Variants in ADARB2 observed in about 807,000 individuals in gnomAD.
The protein encoded by ADARB2 is adenosine deaminase RNA specific B2 (inactive), also known as inactive double-stranded RNA-specific editase B2.
ADARB2 carries 25 observed loss-of-function variants against 62.2 expected under a neutral mutation model. The observed-to-expected ratio is 0.40, with a 90% CI of 0.29 to 0.56. ADARB2 has a LOEUF of 0.56. Ranked by LOEUF, ADARB2 falls within the 20% of genes least tolerant of loss-of-function variation. The pLI is 0.43. For synonymous variants in ADARB2, 572 were observed against 500.8 expected (o/e 1.14, Z -1.90); for missense variants, 1,071 against 1,077.4 (o/e 0.99, Z 0.08).
chr10:1,219,679 G>A (rs1340492168), intron 6 of ADARB2, among the ~76,000 whole-genome samples: 1 of 152,148 alleles, frequency 6.6e-6, no homozygotes, highest in Non-Finnish European at 1.5e-5. Context: ...AATGGTGGTG[G>A]TGATGGTGAT....
At position 1,490,032 on chromosome 10, in the gene ADARB2, A is replaced by G. The variant is rs564992365; in HGVS notation, c.101-110872T>C. ...CAGCTGACTGACAATTTTGTGATAA[A>G]CAGAAGCACACGTTAGCTGTCAGGT... On this transcript the variant is annotated intron_variant, in intron 1 of 9. Transcript: ENST00000381312. Among the ~76,000 whole-genome samples the G allele has an allele frequency of 2.0e-5, 3 of 152,374 alleles. No homozygotes were observed. The South Asian group carries it at 6.2e-4, about 32-fold the overall frequency.
At chr10:1,188,116 A>G (rs904961) in intron 8 of ADARB2, 151,469 of 153,800 alleles carry the variant, frequency 0.98, 74,630 homozygotes, top group Middle Eastern at 1. Context: ...AGTTCCAGGC[A>G]GTTTGAGTTC....
intron 3 of ADARB2, among the ~76,000 whole-genome samples, chr10:1,278,543 C>A (rs1053921655): frequency 6.6e-6 from 1 of 151,066 alleles, no homozygotes; most frequent in African/African-American, 2.4e-5. Flanking sequence ...TCTGTTAATT[C>A]GTTTAGGATG....
intron 1 of ADARB2, among the ~76,000 whole-genome samples, chr10:1,397,105 C>T (rs1449046496): frequency 7.1e-5 from 1 of 14,096 alleles, no homozygotes; most frequent in Non-Finnish European, 2.4e-4. Flanking sequence ...TCACCATCAG[C>T]CTCTCCCCTC....
intron 1 of ADARB2, among the ~76,000 whole-genome samples, chr10:1,547,052 G>A (rs2387728): frequency 0.32 from 48,744 of 152,250 alleles, 8,681 homozygotes; most frequent in Non-Finnish European, 0.4. Context: ...AGAGCGGGAC[G>A]CGGGTGGGAG....
chr10:1,438,203 ACGACAGGGCTCC>A (rs1830855823), intron 1 of ADARB2, among the ~76,000 whole-genome samples: 1 of 150,968 alleles, frequency 6.6e-6, no homozygotes, highest in Non-Finnish European at 1.5e-5. Context: ...CAGGCCCTTC[ACGACAGGGCTCC>A]TGAGTCTCCT....
intron 1 of ADARB2, among the ~76,000 whole-genome samples, chr10:1,495,256 G>A (rs11593993): frequency 0.18 from 27,986 of 152,066 alleles, 3,030 homozygotes; most frequent in Non-Finnish European, 0.25. Context: ...CCAATAAAAA[G>A]CAACCAGTTA....
chr10:1,599,307 G>T (rs1833378324), intron 1 of ADARB2, among the ~76,000 whole-genome samples: 1 of 152,208 alleles, frequency 6.6e-6, no homozygotes, highest in South Asian at 2.1e-4. Context: ...TGTTTGCTGA[G>T]CTGCAAAATG....
chr10:1,258,527 C>T (rs761632418), intron 4 of ADARB2, among the ~76,000 whole-genome samples: 5 of 152,088 alleles, frequency 3.3e-5, no homozygotes, highest in African/African-American at 1.2e-4. Flanking sequence ...AGTCTTTAAA[C>T]CAACAAAGAT....
chr10:1,538,782 G>A (rs1832368147), intron 1 of ADARB2, among the ~76,000 whole-genome samples: 1 of 152,192 alleles, frequency 6.6e-6, no homozygotes, highest in South Asian at 2.1e-4. Flanking sequence ...CAGAAATCAG[G>A]GCAGGAGAAG....
Position 1,326,782 on chromosome 10 carries a change from T to TCACTGCCCAGCGCCTCCC in ADARB2, c.1077+36228_1077+36245dup, listed in dbSNP as rs796414976. ...GCGCCTCTGGTAGCACAGCCCCTCC[T>TCACTGCCCAGCGCCTCCC]CACTGCCCAGCGCCTCCCCACGGCC... On this transcript the variant is annotated intron_variant, in intron 3 of 9. Transcript: ENST00000381312. Among the ~76,000 whole-genome samples, 86 of 51,782 alleles carry TCACTGCCCAGCGCCTCCC rather than the reference T, an allele frequency of 1.7e-3. 16 individuals are homozygous for TCACTGCCCAGCGCCTCCC. Among genetic ancestry groups the TCACTGCCCAGCGCCTCCC allele is most frequent in the African/African-American group, 5.0e-3 (78 of 15,644 alleles). The allele number at this position is 51,782 out of a possible 152,430, so 34.0% of individuals were successfully genotyped here.
chr10:1,566,948 A>G (rs1185241193), intron 1 of ADARB2, among the ~76,000 whole-genome samples: 6 of 152,250 alleles, frequency 3.9e-5, no homozygotes. Flanking sequence ...AGAAGTATAA[A>G]TATACAACAC....
At chr10:1,311,555 G>A (rs981218140) in intron 3 of ADARB2, among the ~76,000 whole-genome samples, 6 of 152,168 alleles carry the variant, frequency 3.9e-5, no homozygotes, top group African/African-American at 1.4e-4. Flanking sequence ...TGAACTCAGA[G>A]GATAGGTGAA....
At chr10:1,488,905 A>AGTG (rs1831585711) in intron 1 of ADARB2, among the ~76,000 whole-genome samples, 1 of 152,208 alleles carries the variant, frequency 6.6e-6, no homozygotes, top group African/African-American at 2.4e-5. Context: ...ATGGGAACAC[A>AGTG]TTCCGATCTG....
At chr10:1,341,627 C>T (rs7093587) in intron 3 of ADARB2, among the ~76,000 whole-genome samples, 697 of 151,928 alleles carry the variant, frequency 4.6e-3, no homozygotes, top group African/African-American at 0.014. Context: ...CCAGCATCCA[C>T]CAGAGAACAA....
intron 1 of ADARB2, among the ~76,000 whole-genome samples, chr10:1,560,729 G>A (rs1832775475): frequency 6.6e-6 from 1 of 152,210 alleles, no homozygotes; most frequent in African/African-American, 2.4e-5. Flanking sequence ...AGGGTCAGGA[G>A]CCGAGGATGT....
intron 3 of ADARB2, among the ~76,000 whole-genome samples, chr10:1,355,657 T>C (rs941972529): frequency 2.0e-5 from 3 of 152,322 alleles, no homozygotes; most frequent in East Asian, 3.9e-4. Flanking sequence ...TTAACCATAT[T>C]TGAAAATTCC....
chr10:1,461,513 T>C (rs1831173843), intron 1 of ADARB2, among the ~76,000 whole-genome samples: 1 of 118,630 alleles, frequency 8.4e-6, no homozygotes, highest in Admixed American at 7.9e-5. Context: ...TGTGCATATA[T>C]ATTTTTTTTT....
At chr10:1,351,849 G>C (rs2820615) in intron 3 of ADARB2, among the ~76,000 whole-genome samples, 8,956 of 145,554 alleles carry the variant, frequency 0.062, 646 homozygotes, top group African/African-American at 0.16. Flanking sequence ...ACCAGACAAG[G>C]CTTACAGGTT....
Sources: allele counts gnomAD v4.1 joint callset (sites outside exome capture counted in the v4.1 genomes callset), GRCh38; gene constraint gnomAD v4.1.1; transcripts MANE v1.5; gene names NCBI Gene and HGNC (gene_info 2026-07-23, HGNC 2026-07-21).